GALNT10: variants seen among roughly 807,000 people sequenced by gnomAD.
GALNT10 encodes the protein polypeptide N-acetylgalactosaminyltransferase 10.
In GALNT10, 41 loss-of-function variants were observed where a neutral mutation model predicts 75.0. The observed-to-expected ratio is 0.55, with a 90% CI of 0.43 to 0.71. The LOEUF is 0.71. Ranked by LOEUF, GALNT10 falls within the 30% of genes least tolerant of loss-of-function variation. The probability of loss-of-function intolerance (pLI) is 0.00; values close to 1 mark genes in which losing one functional copy is unlikely to be tolerated. For synonymous variants in GALNT10, 302 were observed against 313.0 expected, an observed-to-expected ratio of 0.96 and a Z score of 0.37; for missense variants, 727 against 818.5, an observed-to-expected ratio of 0.89 and a Z score of 1.36.
rs192225761 is a variant in GALNT10, at chr5:154,402,451, C to T, written c.1057-1653C>T. On this transcript the variant is annotated intron_variant, in intron 7 of 11. Coordinates refer to ENST00000297107, the MANE Select transcript of GALNT10 (RefSeq NM_198321.4). This position sits in a 1 kb window ranked among gnomAD's most constrained non-coding sequence, Gnocchi z 4.2. The stretch of plus-strand genomic sequence containing the variant: ...TCTCACATCCCATACACCCCTACAA[C>T]GAATCTATGCAATGGCCCTGCTCTG... 2.0e-5 allele frequency among the ~76,000 whole-genome samples: 3 copies of T among 152,342 alleles called. No homozygotes were observed. Among genetic ancestry groups the T allele is most frequent in the East Asian group, 3.9e-4 (2 of 5,180 alleles).
Position 154,418,854 on chromosome 5 carries a change from C to G in GALNT10, c.*1882C>G, listed in dbSNP as rs1287239828. 1 of 152,370 alleles carries G rather than the reference C, an allele frequency of 6.6e-6. No individual in the cohort carries two copies. Among genetic ancestry groups the G allele is most frequent in the Non-Finnish European group, 1.5e-5 (1 of 68,016 alleles). 9.4% of individuals were successfully genotyped at this position (152,370 alleles called of 1,614,324 possible). A position where few individuals can be genotyped will look rare whatever the true frequency, so the allele number is the denominator to read the frequency against. ...ATGAGTGCTGTAGCTTTAGAAGTGG[C>G]CCTCTATAGAAAGAAGTCAAAAGAT... On this transcript the variant is annotated 3_prime_UTR_variant, in exon 12 of 12. Transcript: ENST00000297107.
intron 3 of GALNT10, among the ~76,000 whole-genome samples, chr5:154,303,026 T>C (rs999982010): frequency 2.6e-5 from 4 of 151,998 alleles, no homozygotes; most frequent in Non-Finnish European, 4.4e-5. Context: ...AGTGCCCCAA[T>C]TGGAACATAC....
chr5:154,376,477 C>A lies in GALNT10; in HGVS notation c.754+15C>A, dbSNP rs752607328. On this transcript the variant is annotated intron_variant, in intron 5 of 11. Coordinates refer to ENST00000297107, the MANE Select transcript of GALNT10 (RefSeq NM_198321.4). This position sits in a 1 kb window ranked among gnomAD's most constrained non-coding sequence, Gnocchi z 4.1. The stretch of plus-strand genomic sequence containing the variant: ...CCCCTTGCTTGGTAAGGGAGCCCCT[C>A]CCACTTGGAGGGAGGCAAACTGCAA... The A allele has an allele frequency of 8.1e-5, 126 of 1,560,152 alleles. No individual in the cohort carries two copies. Among genetic ancestry groups the A allele is most frequent in the Non-Finnish European group, 1.0e-4 (120 of 1,157,894 alleles).
chr5:154,262,957 G>GAA (rs111745595), intron 1 of GALNT10, among the ~76,000 whole-genome samples: 61 of 151,252 alleles, frequency 4.0e-4, no homozygotes, highest in African/African-American at 7.3e-4. Context: ...CTTGGTTTGA[G>GAA]AAAAAAAAAG....
chr5:154,279,170 C>A (rs571823156), intron 1 of GALNT10, among the ~76,000 whole-genome samples: 3 of 152,152 alleles, frequency 2.0e-5, no homozygotes, highest in Non-Finnish European at 4.4e-5. Flanking sequence ...TAGCAGTGCA[C>A]AAAGGTTTCA....
chr5:154,360,634 C>T (rs1755370447), intron 4 of GALNT10, among the ~76,000 whole-genome samples: 1 of 152,034 alleles, frequency 6.6e-6, no homozygotes, highest in Non-Finnish European at 1.5e-5. Flanking sequence ...TAGAAAAAGA[C>T]ACAGAAGGAT....
intron 1 of GALNT10, among the ~76,000 whole-genome samples, chr5:154,248,950 G>A (rs974627957): frequency 2.6e-5 from 4 of 152,224 alleles, no homozygotes; most frequent in African/African-American, 4.8e-5. Context: ...ATAAGTTGCT[G>A]GAATGTCTAT....
At chr5:154,404,047 C>A (rs572780303) in intron 7 of GALNT10, 57 bp from the exon 8 acceptor site, 14 of 1,349,716 alleles carry the variant, frequency 1.0e-5, no homozygotes, top group Non-Finnish European at 1.4e-5. Flanking sequence ...GCTGGCCTGG[C>A]GGGATGGTGA....
intron 7 of GALNT10, chr5:154,387,175 A>G (rs1410348469): frequency 6.6e-6 from 1 of 152,214 alleles, no homozygotes; most frequent in Non-Finnish European, 1.5e-5. Flanking sequence ...TGACCAGCCT[A>G]TGGACTCTGG....
chr5:154,321,941 T>C (rs958204813), intron 3 of GALNT10, among the ~76,000 whole-genome samples: 3 of 152,186 alleles, frequency 2.0e-5, no homozygotes, highest in African/African-American at 7.2e-5. Flanking sequence ...TTCCACTTTT[T>C]AAATGTTTGC....
rs756115121 is a variant in GALNT10 at position 154,415,812 on chromosome 5, C to T, written c.1533C>T (p.Ile511=). The change falls in exon 11 of 12, where the codon ATC becomes ATT. Residue 511 remains isoleucine, a synonymous_variant. Coordinates refer to ENST00000297107, the MANE Select transcript of GALNT10 (RefSeq NM_198321.4). ...TCACCTTCACCTGGAGAGAGGACAT[C>T]CGGCCTGGAGACCCCCAGCACACCA... ...QVFTFTWRED[I]RPGDPQHTKK... 6.2e-7 allele frequency: 1 copy of T among 1,614,168 alleles called. No homozygotes were observed. The highest frequency in any genetic ancestry group is 8.5e-7 in the Non-Finnish European group (1 of 1,180,008).
At chr5:154,275,917 ATC>A (rs1050322066) in intron 1 of GALNT10, among the ~76,000 whole-genome samples, 1 of 152,232 alleles carries the variant, frequency 6.6e-6, no homozygotes, top group Non-Finnish European at 1.5e-5. Flanking sequence ...TGGAAATTCC[ATC>A]TCTCAGTGAG....
intron 3 of GALNT10, among the ~76,000 whole-genome samples, chr5:154,301,661 T>A (rs1754361617): frequency 6.6e-6 from 1 of 152,018 alleles, no homozygotes; most frequent in African/African-American, 2.4e-5. Flanking sequence ...CCTGAGGAGC[T>A]GAGATTACAG....
Position 154,359,551 on chromosome 5 carries a change from A to AAG in GALNT10, c.569-16714_569-16713dup, listed in dbSNP as rs931799813. On this transcript the variant is annotated intron_variant, in intron 4 of 11. Transcript: ENST00000297107. ...TTTCTTTCTTTAAAAAAAAAAAAAAAAGAGAGAGAGAGAAAAGAAAAAACA... is the reference window on the plus strand; with the variant it reads ...TTTCTTTCTTTAAAAAAAAAAAAAAAAGAGAGAGAGAGAGAAAAGAAAAAACA... 6.9e-4 allele frequency among the ~76,000 whole-genome samples: 104 copies of AAG among 150,354 alleles called. No homozygotes were observed. In the East Asian group the frequency reaches 9.2e-3, roughly 13 times the overall value.
chr5:154,190,836 C>G lies in GALNT10; in HGVS notation c.-31C>G. ...GGAGCTGGGGGCGGCGCGGCGGGGC[C>G]GGCGGGGCGCGGCGGGGCTGACCGG... is the stretch of plus-strand genomic sequence containing the variant. On this transcript the variant is annotated 5_prime_UTR_variant, in exon 1 of 12. Transcript: ENST00000297107. 8.8e-7 allele frequency: 1 copy of G among 1,135,278 alleles called. No homozygotes were observed. The highest frequency in any genetic ancestry group is 1.7e-5 in the African/African-American group (1 of 60,446). 70.3% of individuals were successfully genotyped at this position (1,135,278 alleles called of 1,614,324 possible).
At chr5:154,340,738 C>T (rs1278570969) in intron 4 of GALNT10, among the ~76,000 whole-genome samples, 1 of 152,150 alleles carries the variant, frequency 6.6e-6, no homozygotes, top group Non-Finnish European at 1.5e-5. Context: ...GCCCCTGAAG[C>T]TTTCAAGAAC....
chr5:154,379,397 C>A (rs2113176579), intron 5 of GALNT10, among the ~76,000 whole-genome samples: 1 of 152,358 alleles, frequency 6.6e-6, no homozygotes, highest in South Asian at 2.1e-4. Flanking sequence ...TGTTTTCTTT[C>A]CTGGAAGAAA....
At chr5:154,275,011 A>G (rs1349212041) in intron 1 of GALNT10, among the ~76,000 whole-genome samples, 1 of 152,162 alleles carries the variant, frequency 6.6e-6, no homozygotes, top group Admixed American at 6.5e-5. Flanking sequence ...GGTTTCAGGA[A>G]TTCTGTGGCT....
chr5:154,329,644 G>A lies in GALNT10; in HGVS notation c.474G>A (p.Trp158Ter), dbSNP rs778355260. Residue 158 changes from tryptophan to a stop codon, truncating the protein, a stop_gained, in exon 4 of 12, where the codon TGG becomes TGA. Coordinates refer to ENST00000297107, the MANE Select transcript of GALNT10 (RefSeq NM_198321.4). LOFTEE classifies it high-confidence loss of function. ...TCATCCCCTTCCACAACGAGGGCTG[G>A]TCCTCCCTCCTCCGCACCGTCCACA... ...SIIIPFHNEG[W>*]SSLLRTVHSV... is the part of the protein sequence containing the mutation. 5.6e-6 allele frequency: 9 copies of A among 1,613,224 alleles called. No homozygotes were observed. The South Asian group carries it at 6.6e-5, about 12-fold the overall frequency.
Sources: allele counts gnomAD v4.1 joint callset (sites outside exome capture counted in the v4.1 genomes callset), GRCh38; gene constraint gnomAD v4.1.1; non-coding constraint Gnocchi (gnomAD v3.1); transcripts MANE v1.5; gene names NCBI Gene and HGNC (gene_info 2026-07-23, HGNC 2026-07-21).